Variants in TLE1 observed in about 807,000 individuals in gnomAD.
TLE1 encodes TLE family member 1, transcriptional corepressor, also known as transducin-like enhancer protein 1.
A neutral mutation model predicts 89.8 loss-of-function variants in TLE1; 21 were observed. The ratio of observed to expected loss-of-function variants is 0.23; its 90% CI spans 0.17 to 0.34. The LOEUF is 0.34. Among genes scored for constraint, TLE1 ranks in the 10% least tolerant of loss-of-function variants. The pLI is 1.00. For missense variants in TLE1, 795 were observed against 1,031.2 expected (o/e 0.77, Z 3.14); for synonymous variants, 447 against 407.6 (o/e 1.10, Z -1.16).
In TLE1 at chr9:81,689,336, G is replaced by C. The variant is rs1403039828; in HGVS notation, c.-1096C>G. On this transcript the variant is annotated 5_prime_UTR_variant, in exon 1 of 20. Coordinates refer to ENST00000376499, the MANE Select transcript of TLE1 (RefSeq NM_005077.5). The stretch of plus-strand genomic sequence containing the variant: ...CGGGCGAGTCCAGAGTAGTCACAGC[G>C]GTGGGGCCAGCGGGGGTTTTGGTCG... 1.3e-5 allele frequency: 2 copies of C among 152,366 alleles called. No individual in the cohort carries two copies. The highest frequency in any genetic ancestry group is 4.8e-5 in the African/African-American group (2 of 41,462). 9.4% of individuals were successfully genotyped at this position (152,366 alleles called of 1,614,324 possible).
At chr9:81,645,507 G>A (rs1436369225) in intron 6 of TLE1, among the ~76,000 whole-genome samples, 1 of 151,726 alleles carries the variant, frequency 6.6e-6, no homozygotes, top group Non-Finnish European at 1.5e-5. Flanking sequence ...TTGAGAGGCC[G>A]AGATGGGTGG....
chr9:81,678,795 G>C (rs574179198), intron 4 of TLE1, among the ~76,000 whole-genome samples: 1 of 151,554 alleles, frequency 6.6e-6, no homozygotes, highest in East Asian at 1.9e-4. Context: ...AGCCGAGATC[G>C]AGCCACTGCA....
intron 4 of TLE1, among the ~76,000 whole-genome samples, chr9:81,660,203 T>C (rs2132737416): frequency 6.6e-6 from 1 of 152,120 alleles, no homozygotes; most frequent in South Asian, 2.1e-4. Context: ...CTAAAACTGA[T>C]GCCAGGGTAC....
At chr9:81,597,109 A>G (rs1830323952) in intron 14 of TLE1, among the ~76,000 whole-genome samples, 1 of 152,294 alleles carries the variant, frequency 6.6e-6, no homozygotes, top group East Asian at 1.9e-4. Flanking sequence ...CCTGCAGTCT[A>G]GAATGTGTCT....
chr9:81,645,744 A>AAAAATAAAAT (rs142767138), intron 6 of TLE1, among the ~76,000 whole-genome samples: 2 of 151,752 alleles, frequency 1.3e-5, no homozygotes, highest in African/African-American at 4.8e-5. Context: ...CTGTCTCCAA[A>AAAAATAAAAT]AAAATAAAAT....
At chr9:81,612,151 G>T in intron 12 of TLE1, 192 bp from the exon 13 acceptor site, 1 of 619,200 alleles carries the variant, frequency 1.6e-6, no homozygotes, top group Non-Finnish European at 2.3e-6. Context: ...GCATCTCCAG[G>T]AAAGAAAAGA....
rs1423276822 is a variant in TLE1, at chr9:81,593,949, C to T, written c.1332-675G>A. 3.9e-5 allele frequency among the ~76,000 whole-genome samples: 6 copies of T among 152,146 alleles called. No homozygotes were observed. In the South Asian group the frequency reaches 1.0e-3, roughly 26 times the overall value. ...GTGCAGCTAAAAAACTACTCTTCCC[C>T]GGTCTCCTTTAGCCCAGCCTGCCTA... On this transcript the variant is annotated intron_variant, in intron 14 of 19. Coordinates refer to ENST00000376499, the MANE Select transcript of TLE1 (RefSeq NM_005077.5).
chr9:81,616,525 G>A, intron 10 of TLE1, 121 bp downstream of exon 10: 2 of 913,310 alleles, frequency 2.2e-6, no homozygotes, highest in Non-Finnish European at 3.5e-6. Flanking sequence ...ACTTCTTAAT[G>A]TAAGAAGTTG....
At chr9:81,675,708 G>GTTTTTTTT (rs61458315) in intron 4 of TLE1, among the ~76,000 whole-genome samples, 1 of 132,436 alleles carries the variant, frequency 7.6e-6, no homozygotes, top group African/African-American at 3.0e-5. Flanking sequence ...GTTTTTTTTT[G>GTTTTTTTT]TTTTTTTTTT....
intron 4 of TLE1, among the ~76,000 whole-genome samples, chr9:81,681,300 A>G (rs1354788936): frequency 6.6e-6 from 1 of 152,166 alleles, no homozygotes. Context: ...CTGTAATCCC[A>G]GCACTTTGCG....
At chr9:81,626,873 A>C (rs1248862106) in intron 8 of TLE1, among the ~76,000 whole-genome samples, 4 of 152,132 alleles carry the variant, frequency 2.6e-5, no homozygotes, top group Non-Finnish European at 4.4e-5. Context: ...GCAGACAATA[A>C]ATACAATTAT....
intron 5 of TLE1, among the ~76,000 whole-genome samples, chr9:81,653,065 G>C (rs573088664): frequency 4.0e-4 from 61 of 152,278 alleles, no homozygotes; most frequent in Non-Finnish European, 6.5e-4. Flanking sequence ...GGAGGCATGA[G>C]AATGTAACAT....
intron 6 of TLE1, among the ~76,000 whole-genome samples, chr9:81,644,016 T>A (rs1244024197): frequency 3.9e-5 from 6 of 152,074 alleles, no homozygotes; most frequent in African/African-American, 1.4e-4. Context: ...TCATCAGCCA[T>A]CAGGAAAATG....
chr9:81,654,334 T>C (rs1829902054), intron 4 of TLE1, among the ~76,000 whole-genome samples: 1 of 152,082 alleles, frequency 6.6e-6, no homozygotes, highest in African/African-American at 2.4e-5. Flanking sequence ...ACTATATATA[T>C]ATACACATAT....
At chr9:81,598,549 CA>C (rs1306375147) in intron 14 of TLE1, among the ~76,000 whole-genome samples, 2 of 152,260 alleles carry the variant, frequency 1.3e-5, no homozygotes, top group Admixed American at 6.5e-5. Context: ...CAGAACACCA[CA>C]AGCTGTCTAC....
At chr9:81,674,377 A>G (rs1427582330) in intron 4 of TLE1, among the ~76,000 whole-genome samples, 1 of 152,136 alleles carries the variant, frequency 6.6e-6, no homozygotes, top group Non-Finnish European at 1.5e-5. Context: ...GGAAACAAAG[A>G]CTATGCTCCT....
chr9:81,670,217 C>T (rs1832039102), intron 4 of TLE1, among the ~76,000 whole-genome samples: 1 of 152,196 alleles, frequency 6.6e-6, no homozygotes, highest in Non-Finnish European at 1.5e-5. Flanking sequence ...TCTTTACAGC[C>T]ATATTAACCA....
At chr9:81,660,976 CACAT>C (rs1221939150) in intron 4 of TLE1, among the ~76,000 whole-genome samples, 4 of 105,288 alleles carry the variant, frequency 3.8e-5, no homozygotes, top group East Asian at 6.1e-4. Context: ...CACACACACA[CACAT>C]TTAGCCTGGC....
chr9:81,653,405 A>C (rs1829790867), intron 5 of TLE1, among the ~76,000 whole-genome samples: 2 of 152,252 alleles, frequency 1.3e-5, no homozygotes, highest in Admixed American at 1.3e-4. Flanking sequence ...TTCATAGATT[A>C]CTCATATAAA....
Sources: gnomAD v4.1 joint callset for allele counts (sites outside exome capture counted in the v4.1 genomes callset) on GRCh38, gnomAD v4.1.1 for gene constraint, MANE v1.5 for transcripts, NCBI Gene and HGNC (gene_info 2026-07-23, HGNC 2026-07-21) for gene names.